The following PRKCE variants were observed in gnomAD, a reference collection of about 807,000 sequenced individuals.
PRKCE encodes the protein protein kinase C epsilon type.
PRKCE carries 16 observed loss-of-function variants against 85.4 expected under a neutral mutation model. That is an observed-to-expected ratio of 0.19 (90% CI 0.13 to 0.28). The LOEUF (loss-of-function observed/expected upper bound fraction) is 0.28. PRKCE is among the 10% of genes least tolerant of loss of function. The probability of loss-of-function intolerance (pLI) is 1.00; values close to 1 mark genes in which losing one functional copy is unlikely to be tolerated. For missense variants in PRKCE, 573 were observed against 975.2 expected (o/e 0.59, Z 5.49); for synonymous variants, 388 against 371.5 (o/e 1.04, Z -0.51).
At chr2:45,756,172 G>A (rs1210305417) in intron 1 of PRKCE, among the ~76,000 whole-genome samples, 2 of 152,154 alleles carry the variant, frequency 1.3e-5, no homozygotes, top group East Asian at 3.8e-4. Flanking sequence ...GATGAGTCAG[G>A]TTAAGACAGG....
chr2:45,775,757 G>A (rs923858392), intron 1 of PRKCE, among the ~76,000 whole-genome samples: 39 of 152,106 alleles, frequency 2.6e-4, no homozygotes, highest in African/African-American at 9.4e-4. Context: ...TTATTCTTCT[G>A]CTCAGAATCC....
chr2:46,026,383 A>T (rs1707112983), intron 10 of PRKCE, among the ~76,000 whole-genome samples: 1 of 152,340 alleles, frequency 6.6e-6, no homozygotes, highest in East Asian at 1.9e-4. Flanking sequence ...GGGCAGTTAG[A>T]CAAAATCAGA....
chr2:46,037,512 T>C (rs1707941626), intron 10 of PRKCE, among the ~76,000 whole-genome samples: 4 of 152,140 alleles, frequency 2.6e-5, no homozygotes, highest in Admixed American at 2.6e-4. Context: ...AGTTCAAATA[T>C]CCCTCAGGCG....
At chr2:46,178,260 C>CA (rs1216311933) in intron 14 of PRKCE, among the ~76,000 whole-genome samples, 5 of 150,966 alleles carry the variant, frequency 3.3e-5, no homozygotes, top group East Asian at 1.9e-4. Context: ...AACTCTGTCT[C>CA]AAAAAAAAAT....
chr2:45,857,094 T>C (rs1417095079), intron 2 of PRKCE, among the ~76,000 whole-genome samples: 4 of 152,292 alleles, frequency 2.6e-5, no homozygotes, highest in African/African-American at 9.6e-5. Context: ...GATCATATGG[T>C]AGTTCTATTT....
intron 1 of PRKCE, among the ~76,000 whole-genome samples, chr2:45,765,353 G>T (rs1367219106): frequency 6.6e-6 from 1 of 152,202 alleles, no homozygotes; most frequent in East Asian, 1.9e-4. Flanking sequence ...AAGGCCAATG[G>T]AGTCTCCAGG....
At chr2:45,733,637 T>A (rs970263740) in intron 1 of PRKCE, among the ~76,000 whole-genome samples, 20 of 151,946 alleles carry the variant, frequency 1.3e-4, no homozygotes, top group African/African-American at 4.6e-4. Context: ...TTGAAGGAGG[T>A]CATGGAGTCA....
intron 2 of PRKCE, among the ~76,000 whole-genome samples, chr2:45,917,964 C>A (rs1466882167): frequency 1.3e-5 from 2 of 152,152 alleles, no homozygotes; most frequent in Non-Finnish European, 2.9e-5. Flanking sequence ...GCCGGCTGCT[C>A]CGAGTGCGGG....
chr2:45,817,887 C>G (rs550895200), intron 1 of PRKCE, among the ~76,000 whole-genome samples: 1 of 152,192 alleles, frequency 6.6e-6, no homozygotes, highest in Non-Finnish European at 1.5e-5. Context: ...GTGGGCATCT[C>G]ACTGCCTGCT....
In PRKCE at chr2:46,187,669, A is replaced by G. The variant is rs1490559303; in HGVS notation, c.*2788A>G. 1.3e-5 allele frequency: 2 copies of G among 152,474 alleles called. No homozygotes were observed. The highest frequency in any genetic ancestry group is 4.8e-5 in the African/African-American group (2 of 41,386). 9.4% of individuals were successfully genotyped at this position (152,474 alleles called of 1,614,324 possible). A position where few individuals can be genotyped will look rare whatever the true frequency, so the allele number is the denominator to read the frequency against. The stretch of plus-strand genomic sequence containing the variant: ...ATTATGGACTTTGTGAAGTAGAAAC[A>G]TAATTTTTTTTCCTCCAAAGGTGAA... On this transcript the variant is annotated 3_prime_UTR_variant, in exon 15 of 15. Transcript: ENST00000306156.
chr2:45,886,979 C>T (rs1212227835), intron 2 of PRKCE, among the ~76,000 whole-genome samples: 1 of 152,208 alleles, frequency 6.6e-6, no homozygotes, highest in African/African-American at 2.4e-5. Context: ...ACTAGCCTCA[C>T]GTGGCAGAAC....
chr2:45,927,773 C>T (rs760320283), intron 2 of PRKCE, among the ~76,000 whole-genome samples: 5 of 152,196 alleles, frequency 3.3e-5, no homozygotes, highest in African/African-American at 4.8e-5. Flanking sequence ...TAATTGCTAG[C>T]AGCTGATGTG....
chr2:45,851,374 C>A (rs1040281997), intron 2 of PRKCE, among the ~76,000 whole-genome samples: 1 of 152,156 alleles, frequency 6.6e-6, no homozygotes, highest in Admixed American at 6.6e-5. Context: ...ACTGGGGGCA[C>A]AGAAGTGAAT....
intron 11 of PRKCE, among the ~76,000 whole-genome samples, chr2:46,087,907 T>C (rs1669798105): frequency 6.6e-6 from 1 of 152,242 alleles, no homozygotes; most frequent in Admixed American, 6.5e-5. Context: ...GCAAGTCTTT[T>C]CTGCCGTAAG....
At position 45,889,058 on chromosome 2, in the gene PRKCE, T is replaced by C. The variant is rs139884864; in HGVS notation, c.412+45995T>C. Among the ~76,000 whole-genome samples, 87 of 152,344 alleles carry C rather than the reference T, an allele frequency of 5.7e-4. 1 individual carries two copies. The East Asian group carries it at 0.016, about 28-fold the overall frequency. On this transcript the variant is annotated intron_variant, in intron 2 of 14. Transcript: ENST00000306156. The stretch of plus-strand genomic sequence containing the variant: ...ATTACAACAAAATACTAATTATCTG[T>C]AGACCACATAGCATTTGGGTTGCTC...
At chr2:45,969,782 G>C (rs972513889) in intron 2 of PRKCE, among the ~76,000 whole-genome samples, 4 of 152,196 alleles carry the variant, frequency 2.6e-5, no homozygotes, top group Non-Finnish European at 4.4e-5. Flanking sequence ...TCCTAGTGGA[G>C]CGCCGTTCTT....
At chr2:45,677,752 T>C (rs1676590982) in intron 1 of PRKCE, 1 of 528,894 alleles carries the variant, frequency 1.9e-6, no homozygotes, top group Non-Finnish European at 2.4e-6. Context: ...TACTCTGGCT[T>C]GTGGTCGGGT....
At chr2:45,828,153 C>T (rs1690105781) in intron 1 of PRKCE, among the ~76,000 whole-genome samples, 1 of 152,168 alleles carries the variant, frequency 6.6e-6, no homozygotes, top group African/African-American at 2.4e-5. Flanking sequence ...GTAACATTGT[C>T]TGGAATATAA....
chr2:46,019,442 C>A (rs139759241), intron 10 of PRKCE, among the ~76,000 whole-genome samples: 6 of 152,286 alleles, frequency 3.9e-5, no homozygotes, highest in African/African-American at 1.4e-4. Context: ...CCACCCATAA[C>A]CCTGAACTGC....
Sources: allele counts gnomAD v4.1 joint callset (sites outside exome capture counted in the v4.1 genomes callset), GRCh38; gene constraint gnomAD v4.1.1; transcripts MANE v1.5; gene names NCBI Gene and HGNC (gene_info 2026-07-23, HGNC 2026-07-21).